The following SAXO1 variants were observed in gnomAD, a reference collection of about 807,000 sequenced individuals.
The protein encoded by SAXO1 is stabilizer of axonemal microtubules 1.
SAXO1 carries 21 observed loss-of-function variants against 17.5 expected under a neutral mutation model. The ratio of observed to expected loss-of-function variants is 1.20; its 90% CI spans 0.85 to 1.72. SAXO1 has a LOEUF of 1.72. Among genes scored for constraint, SAXO1 ranks in the 40% most tolerant of loss-of-function variants. The pLI, the probability that SAXO1 is intolerant of heterozygous loss-of-function variation, is 0.00. For synonymous variants in SAXO1, 274 were observed against 216.5 expected (o/e 1.27, Z -2.33); for missense variants, 843 against 596.0 (o/e 1.41, Z -4.32).
intron 1 of SAXO1, among the ~76,000 whole-genome samples, chr9:18,992,074 A>G (rs1216841899): frequency 1.3e-5 from 2 of 152,190 alleles, no homozygotes; most frequent in Non-Finnish European, 1.5e-5. Flanking sequence ...GATAGGTGTG[A>G]TTTGTCACAA....
At chr9:19,040,633 G>C (rs1836056663) in intron 1 of SAXO1, among the ~76,000 whole-genome samples, 1 of 151,796 alleles carries the variant, frequency 6.6e-6, no homozygotes, top group Admixed American at 6.6e-5. Flanking sequence ...AACAGAGTGA[G>C]ATTCTTTCTC....
chr9:19,009,831 C>CT (rs34704836), intron 1 of SAXO1, among the ~76,000 whole-genome samples: 69,538 of 146,116 alleles, frequency 0.48, 17,233 homozygotes, highest in Non-Finnish European at 0.57. Context: ...TTGGGGTTTT[C>CT]TTTTTTTTTT....
intron 1 of SAXO1, among the ~76,000 whole-genome samples, chr9:18,988,529 T>C (rs1563964214): frequency 6.6e-6 from 1 of 152,230 alleles, no homozygotes; most frequent in Non-Finnish European, 1.5e-5. Flanking sequence ...CTTACATCTG[T>C]ATGGCATTCT....
In SAXO1 at chr9:19,027,148, A is replaced by G. The variant is rs552048209; in HGVS notation, c.38+5723T>C. On this transcript the variant is annotated intron_variant, in intron 1 of 3. Transcript: ENST00000380534. ...ATCGAGCTCCTGGATGTTGATCCCA[A>G]TGATCAAGAGGAGGATGGTCCAAAT... The G allele has an allele frequency of 1.4e-4, 152 of 1,112,598 alleles. No individual in the cohort carries two copies. The South Asian group carries it at 1.7e-3, about 13-fold the overall frequency. 68.9% of individuals were successfully genotyped at this position (1,112,598 alleles called of 1,614,324 possible). A position where few individuals can be genotyped will look rare whatever the true frequency, so the allele number is the denominator to read the frequency against.
intron 1 of SAXO1, among the ~76,000 whole-genome samples, chr9:18,963,987 T>C (rs2131768652): frequency 6.6e-6 from 1 of 152,304 alleles, no homozygotes; most frequent in South Asian, 2.1e-4. Flanking sequence ...CTGAGAGTTT[T>C]TTAATTTTGT....
At chr9:18,980,341 T>C (rs1833321719) in intron 1 of SAXO1, among the ~76,000 whole-genome samples, 1 of 152,004 alleles carries the variant, frequency 6.6e-6, no homozygotes, top group African/African-American at 2.4e-5. Context: ...TGGGAGGTGG[T>C]ATATGGCTGT....
intron 1 of SAXO1, among the ~76,000 whole-genome samples, chr9:19,005,264 G>A (rs1395519497): frequency 1.3e-5 from 2 of 151,770 alleles, no homozygotes; most frequent in Non-Finnish European, 2.9e-5. Context: ...CTTTTTGGCA[G>A]AAAATCCTAT....
At chr9:19,018,851 T>G (rs1302434959) in intron 1 of SAXO1, among the ~76,000 whole-genome samples, 1 of 152,234 alleles carries the variant, frequency 6.6e-6, no homozygotes, top group African/African-American at 2.4e-5. Context: ...GGCTTACACC[T>G]GTAATCCCAG....
chr9:18,953,906 A>G (rs887931354), intron 1 of SAXO1, among the ~76,000 whole-genome samples: 8 of 152,244 alleles, frequency 5.3e-5, no homozygotes, highest in African/African-American at 1.2e-4. Context: ...AGATTTCTCA[A>G]CGTTTAAGAA....
rs749936728 is a variant in SAXO1 at position 18,928,949 on chromosome 9, A to G, written c.528T>C (p.Asp176=). 6.8e-6 allele frequency: 11 copies of G among 1,614,156 alleles called. No individual in the cohort carries two copies. In the South Asian group the frequency reaches 1.2e-4, roughly 18 times the overall value. The part of the protein sequence containing the change: ...RFDNRTTHQD[D]YPIKGLVKTI... ...TCTTCACAAGGCCTTTTATGGGGTA[A>G]TCGTCCTGGTGTGTGGTTCTGTTAT... Residue 176 remains aspartate, a synonymous_variant, in exon 4 of 4, where the codon GAT becomes GAC. Coordinates refer to ENST00000380534, the MANE Select transcript of SAXO1 (RefSeq NM_153707.4).
chr9:18,979,104 A>C (rs1833266250), intron 1 of SAXO1, among the ~76,000 whole-genome samples: 1 of 152,218 alleles, frequency 6.6e-6, no homozygotes, highest in South Asian at 2.1e-4. Context: ...ATTGAAAGCC[A>C]TGTTTGAATG....
intron 1 of SAXO1, among the ~76,000 whole-genome samples, chr9:18,986,724 G>A (rs1272531073): frequency 6.6e-6 from 1 of 152,158 alleles, no homozygotes; most frequent in Non-Finnish European, 1.5e-5. Flanking sequence ...AAGCAAGGGG[G>A]CAAAGACTGT....
At position 19,000,891 on chromosome 9, in the gene SAXO1, T is replaced by C. The variant is rs143854728; in HGVS notation, c.38+31980A>G. Reference sequence around the variant, plus strand: ...TCAATTCAACAACAGCAGCTAACTATCCTAAATATATATGCACCCAATACA... The same window carrying C: ...TCAATTCAACAACAGCAGCTAACTACCCTAAATATATATGCACCCAATACA... On this transcript the variant is annotated intron_variant, in intron 1 of 3. Coordinates refer to ENST00000380534, the MANE Select transcript of SAXO1 (RefSeq NM_153707.4). Among the ~76,000 whole-genome samples, 311 of 152,082 alleles carry C rather than the reference T, an allele frequency of 2.0e-3. 2 individuals are homozygous for C. Among genetic ancestry groups the C allele is most frequent in the Non-Finnish European group, 2.5e-3 (167 of 68,006 alleles).
At position 18,945,403 on chromosome 9, in the gene SAXO1, A is replaced by G. The variant is rs189050529; in HGVS notation, c.219-3564T>C. Among the ~76,000 whole-genome samples the G allele has an allele frequency of 2.6e-5, 4 of 152,276 alleles. No homozygotes were observed. In the East Asian group the frequency reaches 7.7e-4, roughly 29 times the overall value. ...TCATGATCTTTTCTCCATGTCTTCT[A>G]TGGGGTTCTGCTCTTTGTCAGTTGA... On this transcript the variant is annotated intron_variant, in intron 2 of 3. Transcript: ENST00000380534.
At chr9:19,019,540 C>G (rs1325506944) in intron 1 of SAXO1, among the ~76,000 whole-genome samples, 1 of 151,984 alleles carries the variant, frequency 6.6e-6, no homozygotes, top group African/African-American at 2.4e-5. Context: ...ACCAGCCTGG[C>G]CAAAATGGTG....
chr9:19,027,082 T>A, intron 1 of SAXO1: 1 of 877,228 alleles, frequency 1.1e-6, no homozygotes, highest in South Asian at 1.3e-5. Context: ...AGTGAGAAAA[T>A]CAATGTGAAC....
intron 1 of SAXO1, among the ~76,000 whole-genome samples, chr9:18,962,307 A>T (rs1832520830): frequency 6.6e-6 from 1 of 152,158 alleles, no homozygotes; most frequent in Non-Finnish European, 1.5e-5. Context: ...AACTCAGATG[A>T]TCTGCCCGCC....
intron 1 of SAXO1, among the ~76,000 whole-genome samples, chr9:19,001,914 T>A (rs554598269): frequency 3.5e-5 from 5 of 142,088 alleles, no homozygotes; most frequent in Non-Finnish European, 7.7e-5. Flanking sequence ...ATGAAGGAGA[T>A]AGAGACACAA....
intron 1 of SAXO1, among the ~76,000 whole-genome samples, chr9:18,989,556 G>GCA (rs56265752): frequency 0.016 from 2,445 of 149,274 alleles, 48 homozygotes; most frequent in African/African-American, 0.052. Flanking sequence ...TAGCCATTAT[G>GCA]CACACACACA....
Sources: allele counts gnomAD v4.1 joint callset (sites outside exome capture counted in the v4.1 genomes callset), GRCh38; gene constraint gnomAD v4.1.1; transcripts MANE v1.5; gene names NCBI Gene and HGNC (gene_info 2026-07-23, HGNC 2026-07-21).